SOX5: variants seen among roughly 807,000 people sequenced by gnomAD.
SOX5 encodes transcription factor SOX-5.
SOX5 carries 9 observed loss-of-function variants against 92.0 expected under a neutral mutation model. That is an observed-to-expected ratio of 0.10 (90% confidence interval 0.06 to 0.17). SOX5 has a LOEUF of 0.17. Ranked by LOEUF, SOX5 falls within the 10% of genes least tolerant of loss-of-function variation. The pLI is 1.00. For synonymous variants in SOX5, 344 were observed against 336.3 expected (o/e 1.02, Z -0.25); for missense variants, 642 against 944.5 (o/e 0.68, Z 4.20).
intron 8 of SOX5, among the ~76,000 whole-genome samples, chr12:23,640,267 G>C (rs542253823): frequency 6.6e-6 from 1 of 152,052 alleles, no homozygotes; most frequent in East Asian, 1.9e-4. Flanking sequence ...TATATATTTC[G>C]CACGGCTAGA....
chr12:24,077,744 G>T (rs1008266205), intron 4 of SOX5, among the ~76,000 whole-genome samples: 68 of 142,040 alleles, frequency 4.8e-4, no homozygotes, highest in African/African-American at 1.7e-3. Flanking sequence ...ATTTATACAA[G>T]GTGGTACTTC....
chr12:23,661,449 T>G (rs571903124), intron 7 of SOX5, among the ~76,000 whole-genome samples: 30 of 152,298 alleles, frequency 2.0e-4, no homozygotes, highest in African/African-American at 6.7e-4. Context: ...TAACCTTATA[T>G]CCATCAACCA....
intron 4 of SOX5, among the ~76,000 whole-genome samples, chr12:24,093,288 G>A (rs908316803): frequency 6.6e-5 from 10 of 152,040 alleles, no homozygotes; most frequent in African/African-American, 1.7e-4. Context: ...TTGGGAGGCC[G>A]AGGCGGGCAG....
chr12:23,931,373 C>T (rs1356373265), intron 1 of SOX5, among the ~76,000 whole-genome samples: 1 of 151,750 alleles, frequency 6.6e-6, no homozygotes, highest in African/African-American at 2.4e-5. Context: ...ACTAGCTTCA[C>T]ATCACACAGC....
At chr12:24,395,796 G>T (rs1205830458) in intron 1 of SOX5, among the ~76,000 whole-genome samples, 1 of 152,144 alleles carries the variant, frequency 6.6e-6, no homozygotes, top group African/African-American at 2.4e-5. Context: ...TCTTCTAGAA[G>T]TCTCTAGCTG....
chr12:24,393,138 GA>G lies in SOX5; in HGVS notation c.-250-24500del, dbSNP rs201527066. Among the ~76,000 whole-genome samples, 1,471 of 150,078 alleles carry G rather than the reference GA, an allele frequency of 9.8e-3. 21 individuals are homozygous for G. The highest frequency in any genetic ancestry group is 0.035 in the African/African-American group (1,419 of 40,240). On this transcript the variant is annotated intron_variant, in intron 1 of 4. Transcript: ENST00000446891. The surrounding 1 kb of genome is among the most constrained non-coding windows in gnomAD (Gnocchi z 5.0). ...AATGAATAAAGTAGATTGAAGCTAA[GA>G]AAAAAAATACAGCAAAATTAGAAGC...
chr12:24,413,777 A>G (rs2136827103), intron 1 of SOX5, among the ~76,000 whole-genome samples: 1 of 152,350 alleles, frequency 6.6e-6, no homozygotes, highest in East Asian at 1.9e-4. Flanking sequence ...TGAAATTCTA[A>G]GAGTGAGCAT....
At chr12:24,357,348 G>C (rs113719684) in intron 2 of SOX5, 5,542 of 152,268 alleles carry the variant, frequency 0.036, 134 homozygotes, top group Non-Finnish European at 0.057. Context: ...CAGATGCAGT[G>C]CACGAGTATA....
At chr12:24,430,867 A>G (rs1241376982) in intron 1 of SOX5, among the ~76,000 whole-genome samples, 2 of 152,172 alleles carry the variant, frequency 1.3e-5, no homozygotes, top group African/African-American at 4.8e-5. Flanking sequence ...TTATGTTACA[A>G]TTCTGAGCCT....
At chr12:24,561,038 C>T (rs564581030) in intron 1 of SOX5, among the ~76,000 whole-genome samples, 1 of 152,368 alleles carries the variant, frequency 6.6e-6, no homozygotes, top group East Asian at 1.9e-4. Flanking sequence ...CTGCCCTTGG[C>T]TAAAGAACTC....
intron 1 of SOX5, among the ~76,000 whole-genome samples, chr12:23,909,587 A>G (rs966964909): frequency 2.0e-5 from 3 of 152,166 alleles, no homozygotes; most frequent in Non-Finnish European, 4.4e-5. Context: ...ACCATTTACC[A>G]TTTATAGGTA....
chr12:24,217,883 T>C (rs76135511), intron 3 of SOX5, among the ~76,000 whole-genome samples: 2 of 152,298 alleles, frequency 1.3e-5, no homozygotes, highest in East Asian at 3.9e-4. Context: ...TGATGCTCAA[T>C]ATCATTATCC....
At chr12:24,052,419 T>C (rs1957651018) in intron 4 of SOX5, among the ~76,000 whole-genome samples, 1 of 152,206 alleles carries the variant, frequency 6.6e-6, no homozygotes, top group Non-Finnish European at 1.5e-5. Flanking sequence ...ATTTTAATAA[T>C]AGTTTTTAAT....
chr12:23,753,161 CA>C (rs1489941926), intron 4 of SOX5, among the ~76,000 whole-genome samples: 1 of 151,674 alleles, frequency 6.6e-6, no homozygotes, highest in Non-Finnish European at 1.5e-5. Context: ...AAAAGTCTAT[CA>C]TTTTTTACTT....
At chr12:23,640,423 C>A (rs918150091) in intron 8 of SOX5, among the ~76,000 whole-genome samples, 1 of 152,174 alleles carries the variant, frequency 6.6e-6, no homozygotes, top group African/African-American at 2.4e-5. Flanking sequence ...ACTGGGCATC[C>A]TGAGCAATTT....
In SOX5 at chr12:23,599,382, A is replaced by T. The variant is rs536067581; in HGVS notation, c.1164+5005T>A. ...GTGCTACTGCTGAGCAAATGGGAACATCACTGTCAGAAGTATTCGAAAAGA... is the reference window on the plus strand; with the variant it reads ...GTGCTACTGCTGAGCAAATGGGAACTTCACTGTCAGAAGTATTCGAAAAGA... On this transcript the variant is annotated intron_variant, in intron 9 of 14. Transcript: ENST00000451604. 4.6e-5 allele frequency among the ~76,000 whole-genome samples: 7 copies of T among 152,348 alleles called. No homozygotes were observed. In the East Asian group the frequency reaches 1.2e-3, roughly 25 times the overall value.
intron 2 of SOX5, among the ~76,000 whole-genome samples, chr12:24,286,317 G>A (rs1028424705): frequency 2.6e-5 from 4 of 152,092 alleles, no homozygotes; most frequent in Non-Finnish European, 2.9e-5. Context: ...TATGGAACTC[G>A]ACAGTCAGAA....
At chr12:24,309,214 G>A (rs1464489386) in intron 2 of SOX5, among the ~76,000 whole-genome samples, 1 of 152,052 alleles carries the variant, frequency 6.6e-6, no homozygotes, top group Non-Finnish European at 1.5e-5. Context: ...AGAAACAACC[G>A]GCTTTTCAGC....
At chr12:23,599,264 T>C (rs1468295030) in intron 9 of SOX5, among the ~76,000 whole-genome samples, 1 of 152,226 alleles carries the variant, frequency 6.6e-6, no homozygotes, top group East Asian at 1.9e-4. Flanking sequence ...ATAAGGATAG[T>C]GCAGCTCAAA....
Sources: allele counts gnomAD v4.1 joint callset (sites outside exome capture counted in the v4.1 genomes callset), GRCh38; gene constraint gnomAD v4.1.1; non-coding constraint Gnocchi (gnomAD v3.1); transcripts MANE v1.5; gene names NCBI Gene and HGNC (gene_info 2026-07-23, HGNC 2026-07-21).